ATRNL1: variants seen among roughly 807,000 people sequenced by gnomAD.
ATRNL1 encodes attractin-like protein 1.
ATRNL1 carries 95 observed loss-of-function variants against 182.7 expected under a neutral mutation model. That is an observed-to-expected ratio of 0.52 (90% confidence interval 0.44 to 0.62). ATRNL1 has a LOEUF of 0.62. Among genes scored for constraint, ATRNL1 ranks in the 20% least tolerant of loss-of-function variants. The probability of loss-of-function intolerance (pLI) is 0.00; values close to 1 mark genes in which losing one functional copy is unlikely to be tolerated. For missense variants in ATRNL1, 1,471 were observed against 1,679.5 expected (o/e 0.88, Z 2.17); for synonymous variants, 576 against 568.3 (o/e 1.01, Z -0.19).
intron 26 of ATRNL1, among the ~76,000 whole-genome samples, chr10:115,712,659 G>A (rs1555054851): frequency 1.3e-5 from 2 of 152,038 alleles, no homozygotes; most frequent in Non-Finnish European, 2.9e-5. Flanking sequence ...TTGAGGTCAG[G>A]AGTTCGAGAC....
chr10:115,739,473 A>G (rs1948076447), intron 27 of ATRNL1, among the ~76,000 whole-genome samples: 1 of 152,222 alleles, frequency 6.6e-6, no homozygotes. Flanking sequence ...AAAAGAGGTA[A>G]CATATTGAAT....
intron 3 of ATRNL1, among the ~76,000 whole-genome samples, chr10:115,125,386 T>A (rs1844922537): frequency 6.6e-6 from 1 of 152,190 alleles, no homozygotes; most frequent in African/African-American, 2.4e-5. Flanking sequence ...TCCTAATCCC[T>A]TAATCACTGT....
At chr10:115,542,943 A>G (rs12356944) in intron 25 of ATRNL1, among the ~76,000 whole-genome samples, 50,374 of 151,982 alleles carry the variant, frequency 0.33, 10,553 homozygotes, top group Non-Finnish European at 0.47. Context: ...CATTAATTAT[A>G]TCAGATCAGA....
At chr10:115,591,726 G>A (rs1172204144) in intron 26 of ATRNL1, among the ~76,000 whole-genome samples, 1 of 152,088 alleles carries the variant, frequency 6.6e-6, no homozygotes, top group Non-Finnish European at 1.5e-5. Context: ...ATACTTTGGT[G>A]GGAATCTCAC....
chr10:115,231,717 A>G lies in ATRNL1; in HGVS notation c.1533-9854A>G, dbSNP rs149459116. ...TAGGAAGAGCATGGGCACTTTATTC[A>G]TAAGAACAGATATGAAGTCAGGTTA... On this transcript the variant is annotated intron_variant, in intron 9 of 28. Coordinates refer to ENST00000355044, the MANE Select transcript of ATRNL1 (RefSeq NM_207303.4). 4.3e-3 allele frequency among the ~76,000 whole-genome samples: 658 copies of G among 152,286 alleles called. 1 individual carries two copies. Among genetic ancestry groups the G allele is most frequent in the Non-Finnish European group, 7.1e-3 (486 of 68,012 alleles).
intron 27 of ATRNL1, among the ~76,000 whole-genome samples, chr10:115,798,287 T>TG (rs1203334907): frequency 6.6e-6 from 1 of 152,146 alleles, no homozygotes; most frequent in Non-Finnish European, 1.5e-5. Flanking sequence ...TTCTGGAATT[T>TG]GTTCCACCTT....
intron 28 of ATRNL1, among the ~76,000 whole-genome samples, chr10:115,896,684 A>G (rs1158179434): frequency 1.3e-5 from 2 of 152,200 alleles, no homozygotes; most frequent in African/African-American, 4.8e-5. Flanking sequence ...ATTCAAATAT[A>G]TGTGGTAATT....
At chr10:115,428,302 G>A (rs530050388) in intron 21 of ATRNL1, among the ~76,000 whole-genome samples, 7 of 151,986 alleles carry the variant, frequency 4.6e-5, no homozygotes, top group African/African-American at 1.4e-4. Context: ...ATTTTTTGTT[G>A]ACTCTCAGAA....
At chr10:115,854,831 G>A (rs535668143) in intron 28 of ATRNL1, among the ~76,000 whole-genome samples, 1 of 152,302 alleles carries the variant, frequency 6.6e-6, no homozygotes, top group African/African-American at 2.4e-5. Flanking sequence ...GGACAGAGAA[G>A]ACATCTTATT....
chr10:115,493,550 A>G (rs1849410678), intron 24 of ATRNL1, among the ~76,000 whole-genome samples: 1 of 152,072 alleles, frequency 6.6e-6, no homozygotes, highest in Non-Finnish European at 1.5e-5. Flanking sequence ...TGTCTTTTCT[A>G]TTGTGAATAC....
chr10:115,559,443 T>TGTGTGTGTGTGTGTGTGTGC (rs200694810), intron 26 of ATRNL1, among the ~76,000 whole-genome samples: 1 of 77,788 alleles, frequency 1.3e-5, no homozygotes, highest in East Asian at 2.2e-4. Context: ...TGTGTGTGTG[T>TGTGTGTGTGTGTGTGTGTGC]GCGCGCGCGC....
chr10:115,212,370 G>C (rs1232521079), intron 8 of ATRNL1, among the ~76,000 whole-genome samples: 1 of 151,266 alleles, frequency 6.6e-6, no homozygotes, highest in East Asian at 1.9e-4. Flanking sequence ...AGGTTGCAGA[G>C]AAAAAGGAAT....
rs370162135 is a variant in ATRNL1 at position 115,310,785 on chromosome 10, G to T, written c.2819-4733G>T. ...CAAAAAGACTAGTTTTCATTTCATT[G>T]GTCTTTTGTATTTTGTTGCTTTCAA... On this transcript the variant is annotated intron_variant, in intron 17 of 28. Coordinates refer to ENST00000355044, the MANE Select transcript of ATRNL1 (RefSeq NM_207303.4). Among the ~76,000 whole-genome samples the T allele has an allele frequency of 4.1e-4, 62 of 152,004 alleles. 1 individual carries two copies. In the East Asian group the frequency reaches 8.9e-3, roughly 22 times the overall value.
chr10:115,937,993 A>C (rs1304877436), intron 28 of ATRNL1, among the ~76,000 whole-genome samples: 3 of 152,230 alleles, frequency 2.0e-5, no homozygotes, highest in Admixed American at 2.0e-4. Context: ...GTTTTCCTGG[A>C]AAATTAAAAT....
At chr10:115,576,677 C>T (rs370467849) in intron 26 of ATRNL1, among the ~76,000 whole-genome samples, 2 of 152,132 alleles carry the variant, frequency 1.3e-5, no homozygotes, top group South Asian at 4.1e-4. Context: ...TCTCCCAATC[C>T]ATTAACTGCC....
chr10:115,601,953 C>T (rs1856619523), intron 26 of ATRNL1, among the ~76,000 whole-genome samples: 1 of 151,024 alleles, frequency 6.6e-6, no homozygotes, highest in African/African-American at 2.4e-5. Context: ...TTTTTTCAGG[C>T]TAATTGAGTA....
intron 26 of ATRNL1, among the ~76,000 whole-genome samples, chr10:115,681,193 A>G (rs1390094755): frequency 4.6e-5 from 7 of 152,162 alleles, no homozygotes; most frequent in African/African-American, 1.2e-4. Flanking sequence ...TTGAATGTCA[A>G]TTAATAGGAT....
At chr10:115,332,771 C>T (rs1855287512) in intron 18 of ATRNL1, among the ~76,000 whole-genome samples, 1 of 151,422 alleles carries the variant, frequency 6.6e-6, no homozygotes, top group Non-Finnish European at 1.5e-5. Context: ...GAATTCCTCT[C>T]ACTTTCAGAT....
chr10:115,815,683 C>G (rs1305624155), intron 27 of ATRNL1, among the ~76,000 whole-genome samples: 2 of 151,846 alleles, frequency 1.3e-5, no homozygotes, highest in Non-Finnish European at 2.9e-5. Flanking sequence ...GGTCTTTTAT[C>G]AGGAATGATG....
Sources: allele counts gnomAD v4.1 joint callset (sites outside exome capture counted in the v4.1 genomes callset), GRCh38; gene constraint gnomAD v4.1.1; transcripts MANE v1.5; gene names NCBI Gene and HGNC (gene_info 2026-07-23, HGNC 2026-07-21).